Variants in DISC1 observed in about 807,000 individuals in gnomAD.
DISC1 encodes the protein DISC1 scaffold protein.
A neutral mutation model predicts 84.5 loss-of-function variants in DISC1; 57 were observed. That is an observed-to-expected ratio of 0.67 (90% CI 0.55 to 0.84). DISC1 has a LOEUF of 0.84. DISC1 is among the 40% of genes least tolerant of loss of function. The probability of loss-of-function intolerance (pLI) is 0.00; values close to 1 mark genes in which losing one functional copy is unlikely to be tolerated. For synonymous variants in DISC1, 411 were observed against 415.2 expected (o/e 0.99, Z 0.12); for missense variants, 1,000 against 1,057.8 (o/e 0.95, Z 0.76).
intron 9 of DISC1, among the ~76,000 whole-genome samples, chr1:231,931,872 G>A (rs1305429123): frequency 6.6e-6 from 1 of 151,966 alleles, no homozygotes; most frequent in African/African-American, 2.4e-5. Flanking sequence ...GGGTGGTCTT[G>A]AACTCCTGAC....
chr1:231,860,330 A>T (rs1468382555), intron 9 of DISC1, among the ~76,000 whole-genome samples: 1 of 152,038 alleles, frequency 6.6e-6, no homozygotes, highest in African/African-American at 2.4e-5. Flanking sequence ...ACTGTTTTAG[A>T]TCTAGGATTT....
intron 8 of DISC1, among the ~76,000 whole-genome samples, chr1:231,800,456 C>T (rs2079141787): frequency 6.6e-6 from 1 of 152,076 alleles, no homozygotes; most frequent in South Asian, 2.1e-4. Flanking sequence ...CTCTGTGTGC[C>T]ATATGATTCT....
chr1:231,922,525 A>T (rs1035769175), intron 9 of DISC1, among the ~76,000 whole-genome samples: 1 of 152,178 alleles, frequency 6.6e-6, no homozygotes, highest in African/African-American at 2.4e-5. Context: ...AGGGCTTGGC[A>T]TTGGGACATC....
intron 9 of DISC1, among the ~76,000 whole-genome samples, chr1:231,873,643 C>G (rs962096188): frequency 1.3e-5 from 2 of 152,146 alleles, no homozygotes; most frequent in African/African-American, 4.8e-5. Context: ...ATGCAGATGA[C>G]AAATTTCCAG....
intron 9 of DISC1, among the ~76,000 whole-genome samples, chr1:231,882,475 C>CAG (rs1259028153): frequency 6.6e-6 from 1 of 152,182 alleles, no homozygotes; most frequent in Non-Finnish European, 1.5e-5. Flanking sequence ...CACACCTCAG[C>CAG]AGTTTATTTC....
chr1:231,694,737 G>A lies in DISC1; in HGVS notation c.979G>A (p.Asp327Asn). 6.2e-7 allele frequency: 1 copy of A among 1,614,134 alleles called. No individual in the cohort carries two copies. The highest frequency in any genetic ancestry group is 1.1e-5 in the South Asian group (1 of 91,084). ...SSGSGDAHSW[D>N]TLLRKWEPVL... ...CGGCTCAGGGGATGCCCACTCTTGG[G>A]ACACCCTGCTCAGGAAATGGGAGCC... Residue 327 changes from aspartate to asparagine, a missense_variant, in exon 2 of 13, where the codon GAC becomes AAC. Asp to Asn is a conservative substitution (Grantham distance 23). This residue lies in a region of DISC1 where 311 missense variants were observed against 400.1 expected (regional missense o/e 0.78). Coordinates refer to ENST00000439617, the MANE Select transcript of DISC1 (RefSeq NM_018662.3).
At chr1:231,750,318 A>C in intron 4 of DISC1, 1 of 1,326,204 alleles carries the variant, frequency 7.5e-7, no homozygotes, top group African/African-American at 1.5e-5. Flanking sequence ...TCTCAAGTGC[A>C]GCTGCATCCC....
intron 10 of DISC1, among the ~76,000 whole-genome samples, chr1:231,964,372 A>G (rs1021666440): frequency 1.3e-5 from 2 of 152,080 alleles, no homozygotes; most frequent in African/African-American, 4.8e-5. Context: ...TGACTCACAT[A>G]CCTTAGCTAC....
intron 3 of DISC1, among the ~76,000 whole-genome samples, chr1:231,737,004 TTC>T (rs2072599984): frequency 6.6e-6 from 1 of 152,260 alleles, no homozygotes; most frequent in Non-Finnish European, 1.5e-5. Flanking sequence ...GCACTTTTCT[TTC>T]ATTCTGTTTC....
At chr1:231,853,675 G>A (rs1432934818) in intron 9 of DISC1, among the ~76,000 whole-genome samples, 1 of 152,116 alleles carries the variant, frequency 6.6e-6, no homozygotes, top group Non-Finnish European at 1.5e-5. Context: ...GACTGGTGAG[G>A]AAGGTACTGG....
chr1:231,932,696 A>G (rs12029109), intron 9 of DISC1, among the ~76,000 whole-genome samples: 10,136 of 152,136 alleles, frequency 0.067, 353 homozygotes, highest in Middle Eastern at 0.11. Flanking sequence ...TCCTCTTTCC[A>G]TCATTCCCAC....
At chr1:231,720,445 C>CAAGAAG (rs2069500023) in intron 3 of DISC1, among the ~76,000 whole-genome samples, 1 of 152,094 alleles carries the variant, frequency 6.6e-6, no homozygotes, top group Non-Finnish European at 1.5e-5. Context: ...CTTAGGCGAT[C>CAAGAAG]CTCCTGCCTC....
chr1:231,843,940 C>T (rs567695792), intron 9 of DISC1, among the ~76,000 whole-genome samples: 2 of 152,168 alleles, frequency 1.3e-5, no homozygotes, highest in Admixed American at 6.5e-5. Context: ...TAATTAGAGC[C>T]GTGCAGATAG....
At chr1:231,646,266 T>A (rs545388489) in intron 1 of DISC1, among the ~76,000 whole-genome samples, 6 of 151,988 alleles carry the variant, frequency 3.9e-5, no homozygotes, top group African/African-American at 7.2e-5. Flanking sequence ...TGATTTTTTG[T>A]CCTTGCGATA....
At chr1:231,665,626 A>G (rs1245838149) in intron 1 of DISC1, among the ~76,000 whole-genome samples, 2 of 152,236 alleles carry the variant, frequency 1.3e-5, no homozygotes, top group African/African-American at 4.8e-5. Flanking sequence ...CCTTAATTGT[A>G]AGAATATAAT....
chr1:231,854,849 TG>T (rs779222468), intron 9 of DISC1: 1 of 353,494 alleles, frequency 2.8e-6, no homozygotes, highest in South Asian at 2.2e-5. Flanking sequence ...CCGGAGTAGC[TG>T]GGATTACAGG....
chr1:231,893,589 G>A (rs11122366), intron 9 of DISC1, among the ~76,000 whole-genome samples: 16,119 of 152,214 alleles, frequency 0.11, 1,099 homozygotes, highest in East Asian at 0.28. Context: ...ATGTGTTTGT[G>A]GGTTGGGTCA....
At chr1:231,948,813 A>C (rs1374672543) in intron 9 of DISC1, among the ~76,000 whole-genome samples, 1 of 148,886 alleles carries the variant, frequency 6.7e-6, no homozygotes, top group African/African-American at 2.5e-5. Flanking sequence ...TCCAAGGGCT[A>C]TTCTAGATTG....
chr1:231,938,246 G>A (rs149138366), intron 9 of DISC1, among the ~76,000 whole-genome samples: 2 of 152,270 alleles, frequency 1.3e-5, no homozygotes, highest in Admixed American at 6.5e-5. Context: ...GAGCATCCTG[G>A]TTTATCCAGA....
Sources: gnomAD v4.1 joint callset for allele counts (sites outside exome capture counted in the v4.1 genomes callset) on GRCh38, gnomAD v4.1.1 for gene constraint, gnomAD v4.1.1 regional missense constraint, MANE v1.5 for transcripts, NCBI Gene and HGNC (gene_info 2026-07-23, HGNC 2026-07-21) for gene names.